The following GGT1 variants were observed in gnomAD, a reference collection of about 807,000 sequenced individuals.
The protein encoded by GGT1 is glutathione hydrolase 1 proenzyme.
Under a neutral mutation model 56.0 loss-of-function variants are expected in GGT1, and 21 were observed. The ratio of observed to expected loss-of-function variants is 0.38; its 90% confidence interval spans 0.27 to 0.54. The LOEUF (loss-of-function observed/expected upper bound fraction) is 0.54, where lower values mean the gene tolerates loss of function less well. Among genes scored for constraint, GGT1 ranks in the 20% least tolerant of loss-of-function variants. The pLI, the probability that GGT1 is intolerant of heterozygous loss-of-function variation, is 0.82. For missense variants in GGT1, 466 were observed against 787.0 expected (o/e 0.59, Z 4.88); for synonymous variants, 238 against 342.6 (o/e 0.69, Z 3.37).
chr22:24,621,473 G>T (rs2047405010), intron 9 of GGT1, among the ~76,000 whole-genome samples: 2 of 151,422 alleles, frequency 1.3e-5, no homozygotes, highest in African/African-American at 2.4e-5. Context: ...CACCAAGAGG[G>T]TTACAAGGGA....
chr22:24,622,334 G>GCCT (rs1301987543), intron 9 of GGT1, among the ~76,000 whole-genome samples: 4 of 152,322 alleles, frequency 2.6e-5, no homozygotes, highest in Admixed American at 2.6e-4. Flanking sequence ...AGAGGCCGAG[G>GCCT]CGTGTGGATC....
chr22:24,598,445 CAAAAAAAA>C (rs1186508492), upstream of GGT1, among the ~76,000 whole-genome samples: 1 of 76,036 alleles, frequency 1.3e-5, no homozygotes, highest in African/African-American at 4.6e-5. Context: ...GACTCCGTCT[CAAAAAAAA>C]AAAAAAAAAA....
Position 24,615,131 on chromosome 22 carries a change from A to G in GGT1, c.382+4A>G. ...AGCTCGGAGCAGTCCCAGAAGGGTA[A>G]GCCATGCGGCAGACTTGGGGCGTGG... On this transcript the variant is annotated splice_donor_region_variant and intron_variant, in intron 7 of 15. Transcript: ENST00000400382. The G allele has an allele frequency of 6.2e-7, 1 of 1,608,346 alleles. No homozygotes were observed. Among genetic ancestry groups the G allele is most frequent in the Non-Finnish European group, 8.5e-7 (1 of 1,176,600 alleles).
chr22:24,596,611 C>T (rs1018248770), intron 1 of GGT1, among the ~76,000 whole-genome samples: 5 of 151,932 alleles, frequency 3.3e-5, no homozygotes, highest in South Asian at 2.1e-4. Flanking sequence ...CTTGTAATAA[C>T]GCTAGTGCCT....
At chr22:24,612,265 T>C (rs893418585) in intron 5 of GGT1, among the ~76,000 whole-genome samples, 81 of 138,570 alleles carry the variant, frequency 5.8e-4, no homozygotes, top group African/African-American at 2.4e-3. Flanking sequence ...TTTTTTTTTT[T>C]GGTTAGGAGA....
the GGT1 span, among the ~76,000 whole-genome samples, chr22:24,587,148 A>G: frequency 1.3e-5 from 2 of 152,024 alleles, no homozygotes; most frequent in Non-Finnish European, 2.9e-5. Flanking sequence ...TCTGATGTCG[A>G]TTCTTTTAGG....
chr22:24,607,832 C>G (rs2046419362), intron 1 of GGT1, 122 bp from the exon 2 acceptor site: 1 of 356,054 alleles, frequency 2.8e-6, no homozygotes, highest in Admixed American at 4.0e-5. Context: ...CGGAGGCCCC[C>G]TGAGGAGTGC....
chr22:24,617,936 G>A (rs967392387), intron 7 of GGT1, among the ~76,000 whole-genome samples: 9 of 152,036 alleles, frequency 5.9e-5, no homozygotes, highest in African/African-American at 2.2e-4. Context: ...GGATGCAGGG[G>A]CAGCTCTCAG....
At chr22:24,611,529 A>G (rs1054962271) in intron 5 of GGT1, among the ~76,000 whole-genome samples, 1 of 131,540 alleles carries the variant, frequency 7.6e-6, no homozygotes, top group Non-Finnish European at 1.6e-5. Context: ...CTATCTATCT[A>G]TCTATCTATC....
At chr22:24,603,915 CA>C (rs2045864236) in intron 1 of GGT1, among the ~76,000 whole-genome samples, 1 of 151,900 alleles carries the variant, frequency 6.6e-6, no homozygotes, top group Non-Finnish European at 1.5e-5. Flanking sequence ...TGCCCAACTC[CA>C]GGGGGCGCCT....
chr22:24,585,868 A>C, the GGT1 span: 82 of 1,557,030 alleles, frequency 5.3e-5, no homozygotes, highest in South Asian at 9.3e-4. Flanking sequence ...AGTAGCAATG[A>C]GCCAGGTGGG....
upstream of GGT1, among the ~76,000 whole-genome samples, chr22:24,601,854 C>A (rs1018725176): frequency 1.3e-5 from 2 of 152,220 alleles, no homozygotes; most frequent in African/African-American, 4.8e-5. Flanking sequence ...AACAAGGACA[C>A]AAAAGAGCCA....
intron 10 of GGT1, 107 bp downstream of exon 10, chr22:24,623,363 C>T (rs1293322317): frequency 3.8e-6 from 5 of 1,305,558 alleles, no homozygotes; most frequent in Admixed American, 2.0e-5. Flanking sequence ...CACGTCTTTC[C>T]ATCACTGAGC....
At chr22:24,625,496 G>A (rs1378394119) in intron 11 of GGT1, among the ~76,000 whole-genome samples, 1 of 151,900 alleles carries the variant, frequency 6.6e-6, no homozygotes, top group Non-Finnish European at 1.5e-5. Flanking sequence ...AAACTCCCGG[G>A]ATCAAACTAT....
At chr22:24,618,195 A>G (rs550913795) in intron 7 of GGT1, among the ~76,000 whole-genome samples, 1 of 152,268 alleles carries the variant, frequency 6.6e-6, no homozygotes, top group East Asian at 1.9e-4. Context: ...AATATTTTTC[A>G]TTTCTGGGTG....
rs201643332 is a variant in GGT1 at position 24,611,514 on chromosome 22, CCTAT to C, written c.164+295_164+298del. Among the ~76,000 whole-genome samples the C allele has an allele frequency of 5.6e-3, 761 of 136,724 alleles. 3 individuals carry two copies. The highest frequency in any genetic ancestry group is 7.7e-3 in the South Asian group (33 of 4,300). The allele number at this position is 136,724 out of a possible 152,430, so 89.7% of individuals were successfully genotyped here. ...TGGTTGTTATTTTTACTTATTTCTTCCTATCTATCTATCTATCTATCTATCTATC... is the reference window on the plus strand; with the variant it reads ...TGGTTGTTATTTTTACTTATTTCTTCCTATCTATCTATCTATCTATCTATC... On this transcript the variant is annotated intron_variant, in intron 5 of 15. Transcript: ENST00000400382.
At chr22:24,606,554 A>G (rs2046336711) in intron 1 of GGT1, among the ~76,000 whole-genome samples, 1 of 152,208 alleles carries the variant, frequency 6.6e-6, no homozygotes, top group African/African-American at 2.4e-5. Context: ...CTTCAGGGAC[A>G]GGTCATGGGA....
upstream of GGT1, among the ~76,000 whole-genome samples, chr22:24,590,117 G>C (rs1400489392): frequency 1.3e-5 from 2 of 152,220 alleles, no homozygotes; most frequent in East Asian, 1.9e-4. Context: ...CCAGTGGCGG[G>C]TGGCCCCCTT....
chr22:24,625,135 G>A (rs2047668222), intron 11 of GGT1, among the ~76,000 whole-genome samples: 1 of 152,164 alleles, frequency 6.6e-6, no homozygotes, highest in African/African-American at 2.4e-5. Context: ...TTTTTCTGAG[G>A]GATTCCACAG....
Sources: allele counts gnomAD v4.1 joint callset (sites outside exome capture counted in the v4.1 genomes callset), GRCh38; gene constraint gnomAD v4.1.1; transcripts MANE v1.5; gene names NCBI Gene and HGNC (gene_info 2026-07-23, HGNC 2026-07-21).